The following TBCD variants were observed in gnomAD, a reference collection of about 807,000 sequenced individuals.
The protein encoded by TBCD is tubulin folding cofactor D.
A neutral mutation model predicts 169.3 loss-of-function variants in TBCD; 105 were observed. The observed-to-expected ratio is 0.62, with a 90% CI of 0.53 to 0.73. TBCD has a LOEUF of 0.73. TBCD is among the 30% of genes least tolerant of loss of function. The pLI is 0.00. For synonymous variants in TBCD, 700 were observed against 643.9 expected (o/e 1.09, Z -1.32); for missense variants, 1,444 against 1,600.1 (o/e 0.90, Z 1.66).
Position 82,920,022 on chromosome 17 carries a change from C to T in TBCD, c.2039-534C>T, listed in dbSNP as rs1026503735. ...GAGCAGTGTGTGGCCGTGGGAGCTGCTGATGCTGTCCAGTCGTCTCTGTCT... is the reference window on the plus strand; with the variant it reads ...GAGCAGTGTGTGGCCGTGGGAGCTGTTGATGCTGTCCAGTCGTCTCTGTCT... On this transcript the variant is annotated intron_variant, in intron 23 of 38. Transcript: ENST00000355528. The surrounding 1 kb of genome is among the most constrained non-coding windows in gnomAD (Gnocchi z 4.1). 3.3e-5 allele frequency among the ~76,000 whole-genome samples: 5 copies of T among 152,216 alleles called. No homozygotes were observed. Among genetic ancestry groups the T allele is most frequent in the African/African-American group, 1.2e-4 (5 of 41,468 alleles).
chr17:82,921,668 G>A (rs2061427812), intron 25 of TBCD, 91 bp downstream of exon 25: 2 of 1,215,402 alleles, frequency 1.6e-6, no homozygotes, highest in Non-Finnish European at 2.4e-6. Flanking sequence ...TGTGCATCAT[G>A]AGGCTGTCCC....
chr17:82,924,487 T>A (rs10163477), intron 26 of TBCD, among the ~76,000 whole-genome samples: 39,913 of 152,204 alleles, frequency 0.26, 5,224 homozygotes, highest in Middle Eastern at 0.31. Context: ...ATCGTACTTT[T>A]ATTTTTAAAG....
At position 82,938,155 on chromosome 17, in the gene TBCD, T is replaced by C. The variant is rs185999274; in HGVS notation, c.3369+19T>C. On this transcript the variant is annotated intron_variant, in intron 36 of 38. Coordinates refer to ENST00000355528, the MANE Select transcript of TBCD (RefSeq NM_005993.5). ...CCCGCTGGTGAGTGCCTGCCCCTGC[T>C]CACGTGTGTTTGCCGTGTGGACACA... is the stretch of plus-strand genomic sequence containing the variant. 3.1e-6 allele frequency: 5 copies of C among 1,607,864 alleles called. No homozygotes were observed. In the East Asian group the frequency reaches 1.1e-4, roughly 36 times the overall value.
intron 9 of TBCD, among the ~76,000 whole-genome samples, chr17:82,802,564 T>C (rs2050649039): frequency 6.6e-6 from 1 of 152,248 alleles, no homozygotes; most frequent in Non-Finnish European, 1.5e-5. Context: ...ATGGTGGTTC[T>C]TGGCCAAAGG....
chr17:82,829,992 G>A (rs554781134), intron 13 of TBCD: 86 of 1,253,262 alleles, frequency 6.9e-5, no homozygotes, highest in Middle Eastern at 5.6e-4. Context: ...GAATTGGAGG[G>A]TTTTTTGTTT....
chr17:82,816,692 C>T (rs969345652), intron 13 of TBCD, among the ~76,000 whole-genome samples: 1 of 150,142 alleles, frequency 6.7e-6, no homozygotes, highest in Non-Finnish European at 1.5e-5. Context: ...CACCACCATG[C>T]CACATTAATT....
At chr17:82,800,233 G>A (rs1231672702) in intron 8 of TBCD, among the ~76,000 whole-genome samples, 1 of 152,102 alleles carries the variant, frequency 6.6e-6, no homozygotes, top group Non-Finnish European at 1.5e-5. Context: ...CTGTCCTCCT[G>A]GCCTCAGCTT....
At chr17:82,761,215 C>T (rs1179811360) in intron 2 of TBCD, among the ~76,000 whole-genome samples, 1 of 152,094 alleles carries the variant, frequency 6.6e-6, no homozygotes, top group Non-Finnish European at 1.5e-5. Flanking sequence ...CCACCTGCCT[C>T]GGCCTCCCAA....
In TBCD at chr17:82,937,079, T is replaced by G; in HGVS notation, c.3192-192T>G. 5.2e-6 allele frequency: 3 copies of G among 578,050 alleles called. No homozygotes were observed. The East Asian group carries it at 8.4e-5, about 16-fold the overall frequency. 35.8% of individuals were successfully genotyped at this position (578,050 alleles called of 1,614,324 possible). A position where few individuals can be genotyped will look rare whatever the true frequency, so the allele number is the denominator to read the frequency against. On this transcript the variant is annotated intron_variant, in intron 34 of 38. Transcript: ENST00000355528. ...GCCGGCCAGGTGGTGGCACAGCCGC[T>G]AGGGACCAGGCCGGCCTGTGGAGGT...
chr17:82,907,970 C>G (rs2060364580), intron 21 of TBCD, 149 bp downstream of exon 21: 1 of 814,140 alleles, frequency 1.2e-6, no homozygotes, highest in African/African-American at 1.7e-5. Flanking sequence ...GCGGTGTGAT[C>G]ACTCTGGGAA....
At position 82,921,574 on chromosome 17, in the gene TBCD, G is replaced by A; in HGVS notation, c.2175G>A (p.Met725Ile). ...TCTCAAGTCACTCCCGCCAGCAGAT[G>A]AAGGTACAGTGAGCATGGGCGTTCC... ...HLISSHSRQQ[M>I]KDAAVSALAA... is the part of the protein sequence containing the mutation. Residue 725 changes from methionine (M) to isoleucine (I), a missense_variant, in exon 25 of 39, where the codon ATG becomes ATA. Met to Ile is a conservative substitution (Grantham distance 10, BLOSUM62 1). Coordinates refer to ENST00000355528, the MANE Select transcript of TBCD (RefSeq NM_005993.5). 1.2e-6 allele frequency: 2 copies of A among 1,614,038 alleles called. No homozygotes were observed. The highest frequency in any genetic ancestry group is 1.7e-6 in the Non-Finnish European group (2 of 1,179,884).
At chr17:82,804,549 G>A (rs2144742427) in intron 9 of TBCD, among the ~76,000 whole-genome samples, 1 of 152,362 alleles carries the variant, frequency 6.6e-6, no homozygotes, top group South Asian at 2.1e-4. Flanking sequence ...GCTGGGGGGT[G>A]TGCTTCCATG....
At position 82,800,793 on chromosome 17, in the gene TBCD, C is replaced by T. The variant is rs976317236; in HGVS notation, c.818-71C>T. The T allele has an allele frequency of 1.6e-5, 24 of 1,533,742 alleles. No individual in the cohort carries two copies. In the Middle Eastern group the frequency reaches 9.8e-4, roughly 62 times the overall value. On this transcript the variant is annotated intron_variant, in intron 8 of 38. Coordinates refer to ENST00000355528, the MANE Select transcript of TBCD (RefSeq NM_005993.5). ...CCCCTGTGGAGCCGGCTGTTGGTTT[C>T]GGGGACACAGGTGGTGCAGTCAGAA...
chr17:82,899,917 T>G (rs1176500198), intron 17 of TBCD, among the ~76,000 whole-genome samples: 1 of 152,250 alleles, frequency 6.6e-6, no homozygotes, highest in African/African-American at 2.4e-5. Context: ...TATTTTCTTT[T>G]GTGATGTTTA....
intron 14 of TBCD, among the ~76,000 whole-genome samples, chr17:82,883,329 C>G (rs1457458707): frequency 2.0e-5 from 3 of 152,278 alleles, no homozygotes; most frequent in African/African-American, 7.2e-5. Context: ...CGCAATCTCT[C>G]AAGCCTTCCT....
intron 12 of TBCD, among the ~76,000 whole-genome samples, chr17:82,813,504 G>A (rs2051618595): frequency 6.6e-6 from 1 of 152,150 alleles, no homozygotes; most frequent in Non-Finnish European, 1.5e-5. Context: ...CCTCTGAGGC[G>A]AGCCGGATGG....
chr17:82,896,518 TGTG>T (rs1177115327), intron 17 of TBCD, among the ~76,000 whole-genome samples: 1 of 140,644 alleles, frequency 7.1e-6, no homozygotes, highest in East Asian at 2.1e-4. Flanking sequence ...CAGGCTGGAG[TGTG>T]GTGGCGCAAT....
At chr17:82,858,083 T>C (rs573606735) in intron 13 of TBCD, among the ~76,000 whole-genome samples, 43 of 152,142 alleles carry the variant, frequency 2.8e-4, no homozygotes, top group African/African-American at 1.0e-3. Context: ...TGGCTAACTT[T>C]TGTATTTTTT....
At chr17:82,894,203 T>C (rs1285939296) in intron 17 of TBCD, among the ~76,000 whole-genome samples, 1 of 152,268 alleles carries the variant, frequency 6.6e-6, no homozygotes, top group Non-Finnish European at 1.5e-5. Context: ...CACCTCTAAT[T>C]GCAGTTTACA....
Sources: gnomAD v4.1 joint callset for allele counts (sites outside exome capture counted in the v4.1 genomes callset) on GRCh38, gnomAD v4.1.1 for gene constraint, Gnocchi (gnomAD v3.1) non-coding constraint, MANE v1.5 for transcripts, NCBI Gene and HGNC (gene_info 2026-07-23, HGNC 2026-07-21) for gene names.